Variants in CLCF1 observed in about 807,000 individuals in gnomAD.
CLCF1 encodes the protein cardiotrophin like cytokine factor 1.
Under a neutral mutation model 21.2 loss-of-function variants are expected in CLCF1, and 10 were observed. The observed-to-expected ratio is 0.47, with a 90% CI of 0.29 to 0.80. The LOEUF (loss-of-function observed/expected upper bound fraction) is 0.80. CLCF1 is among the 30% of genes least tolerant of loss of function. The probability of loss-of-function intolerance (pLI) is 0.09; values close to 1 mark genes in which losing one functional copy is unlikely to be tolerated. For missense variants in CLCF1, 240 were observed against 293.4 expected (o/e 0.82, Z 1.33); for synonymous variants, 115 against 120.5 (o/e 0.95, Z 0.30).
chr11:67,365,556 C>T lies in CLCF1; in HGVS notation c.258G>A (p.Arg86=), dbSNP rs1394623874. The change falls in exon 3 of 3, where the codon AGG becomes AGA. Residue 86 remains arginine, a synonymous_variant. Coordinates refer to ENST00000312438, the MANE Select transcript of CLCF1 (RefSeq NM_013246.3). The surrounding 1 kb of genome is among the most constrained non-coding windows in gnomAD (Gnocchi z 5.0). ...PPRLGAETLP[R]ATVDLEVWRS... ...GCCACACCTCCAAGTCAACAGTGGC[C>T]CTGGGCAGAGTCTCTGCCCCCAGGC... 2 of 1,613,820 alleles carry T rather than the reference C, an allele frequency of 1.2e-6. No homozygotes were observed. Among genetic ancestry groups the T allele is most frequent in the Non-Finnish European group, 1.7e-6 (2 of 1,179,846 alleles).
Position 67,365,590 on chromosome 11 carries a change from T to C in CLCF1, c.224A>G (p.Asn75Ser). Residue 75 changes from asparagine to serine, a missense_variant, in exon 3 of 3, where the codon AAC becomes AGC. Physicochemically the swap from Asn to Ser is conservative, Grantham distance 46. Coordinates refer to ENST00000312438, the MANE Select transcript of CLCF1 (RefSeq NM_013246.3). This position sits in a 1 kb window ranked among gnomAD's most constrained non-coding sequence, Gnocchi z 5.0. ...LGPPFNEPDF[N>S]PPRLGAETLP... ...AGTCTCTGCCCCCAGGCGGGGAGGG[T>C]TGAAGTCTGGCTCGTTGAAAGGGGG... 6 of 1,613,068 alleles carry C rather than the reference T, an allele frequency of 3.7e-6. No individual in the cohort carries two copies. Among genetic ancestry groups the C allele is most frequent in the Non-Finnish European group, 5.1e-6 (6 of 1,179,254 alleles).
intron 1 of CLCF1, chr11:67,368,771 T>G (rs1018146331): frequency 1.2e-4 from 115 of 984,898 alleles, no homozygotes; most frequent in Non-Finnish European, 1.3e-4. Flanking sequence ...AGAGGGTGAG[T>G]TGGAGGGCTG....
intron 1 of CLCF1, among the ~76,000 whole-genome samples, chr11:67,373,051 C>G (rs1862273592): frequency 1.3e-5 from 2 of 150,900 alleles, no homozygotes; most frequent in East Asian, 4.0e-4. Flanking sequence ...CCCCTCCCGG[C>G]GGGCCGGGGA....
Position 67,372,714 on chromosome 11 carries a change from C to T in CLCF1, c.16+810G>A, listed in dbSNP as rs1292288004. ...TCCCGCGCGTCAACTCCCCTCCTGC[C>T]CGGGCTGAGCGGCTGCTCCCGCCGC... On this transcript the variant is annotated intron_variant, in intron 1 of 2. Transcript: ENST00000312438. This position sits in a 1 kb window ranked among gnomAD's most constrained non-coding sequence, Gnocchi z 5.9. Among the ~76,000 whole-genome samples, 2 of 150,106 alleles carry T rather than the reference C, an allele frequency of 1.3e-5. No homozygotes were observed. The highest frequency in any genetic ancestry group is 2.1e-4 in the South Asian group (1 of 4,804).
chr11:67,370,388 C>T (rs1173119313), intron 1 of CLCF1: 3 of 978,166 alleles, frequency 3.1e-6, no homozygotes, highest in Non-Finnish European at 1.2e-6. Context: ...CTCTCCCCCT[C>T]CCCACCAGTC....
At chr11:67,370,454 T>G (rs1308278232) in intron 1 of CLCF1, 3 of 984,012 alleles carry the variant, frequency 3.0e-6, no homozygotes, top group South Asian at 4.7e-5. Flanking sequence ...GCCCACTGAT[T>G]GTTTACATCC....
intron 1 of CLCF1, chr11:67,370,285 G>A: frequency 5.8e-5 from 57 of 985,270 alleles, no homozygotes; most frequent in Non-Finnish European, 6.7e-5. Context: ...TGAGGAGAGT[G>A]CGTGGTGGGC....
rs1265305889 is a variant in CLCF1 at position 67,364,197 on chromosome 11, CAAG to C, written c.*936_*938del. The stretch of plus-strand genomic sequence containing the variant: ...GGGGCAAGCATTTTATTTGTTAATA[CAAG>C]AATAGAAATTCTGCAATAAATATCA... On this transcript the variant is annotated 3_prime_UTR_variant, in exon 3 of 3. Transcript: ENST00000312438. 1 of 152,508 alleles carries C rather than the reference CAAG, an allele frequency of 6.6e-6. No homozygotes were observed. The highest frequency in any genetic ancestry group is 1.5e-5 in the Non-Finnish European group (1 of 68,030). 9.4% of individuals were successfully genotyped at this position (152,508 alleles called of 1,614,324 possible).
chr11:67,371,917 A>G (rs1287840701), intron 1 of CLCF1, among the ~76,000 whole-genome samples: 1 of 152,000 alleles, frequency 6.6e-6, no homozygotes, highest in African/African-American at 2.4e-5. Flanking sequence ...ACAGGGAGCC[A>G]TTGCACCCAT....
rs766150197 is a variant in CLCF1 at position 67,367,561 on chromosome 11, G to A, written c.82C>T (p.Leu28Phe). ...GGCCCTGGGTCCCCTGTGCGATTGAGAGCTGGCACTGCAGGGAGGTGCCAG... is the reference window on the plus strand; with the variant it reads ...GGCCCTGGGTCCCCTGTGCGATTGAAAGCTGGCACTGCAGGGAGGTGCCAG... ...VLWHLPAVPA[L>F]NRTGDPGPGP... The change falls in exon 2 of 3, where the codon CTC becomes TTC. Residue 28 changes from leucine (L) to phenylalanine (F), a missense_variant. Transcript: ENST00000312438. 114 of 1,613,784 alleles carry A rather than the reference G, an allele frequency of 7.1e-5. No homozygotes were observed. The South Asian group carries it at 1.1e-3, about 16-fold the overall frequency.
At chr11:67,373,981 G>T (rs530098133), upstream of CLCF1, 25 of 847,600 alleles carry the variant, frequency 2.9e-5, no homozygotes, top group African/African-American at 1.3e-3. Context: ...CTCCCCAGGC[G>T]TTGGCCTGGG....
chr11:67,373,990 G>GA, upstream of CLCF1: 1 of 960,270 alleles, frequency 1.0e-6, no homozygotes, highest in Non-Finnish European at 1.2e-6. Context: ...CGTTGGCCTG[G>GA]GACACCGCCC....
intron 1 of CLCF1, 133 bp from the exon 2 acceptor site, chr11:67,367,759 A>G: frequency 6.6e-7 from 1 of 1,512,404 alleles, no homozygotes; most frequent in Middle Eastern, 2.4e-4. Flanking sequence ...TGGGAGGCAG[A>G]GGGGATGGAG....
At chr11:67,368,657 C>A (rs1480164029) in intron 1 of CLCF1, 1 of 985,242 alleles carries the variant, frequency 1.0e-6, no homozygotes, top group African/African-American at 1.7e-5. Flanking sequence ...GGTTTAAGGA[C>A]TGGGTTACTT....
At chr11:67,369,322 G>A in intron 1 of CLCF1, 1 of 984,020 alleles carries the variant, frequency 1.0e-6, no homozygotes, top group South Asian at 4.7e-5. Flanking sequence ...TTTGAGGCAA[G>A]TGTGAGTGTG....
intron 1 of CLCF1, chr11:67,370,505 G>A: frequency 1.0e-6 from 1 of 980,216 alleles, no homozygotes; most frequent in Non-Finnish European, 1.2e-6. Flanking sequence ...GAGCACGTGA[G>A]GAGCTAACGA....
Position 67,372,725 on chromosome 11 carries a change from G to T in CLCF1, c.16+799C>A, listed in dbSNP as rs1001882444. ...AACTCCCCTCCTGCCCGGGCTGAGC[G>T]GCTGCTCCCGCCGCTCCCTGGCCAG... On this transcript the variant is annotated intron_variant, in intron 1 of 2. Coordinates refer to ENST00000312438, the MANE Select transcript of CLCF1 (RefSeq NM_013246.3). This position sits in a 1 kb window ranked among gnomAD's most constrained non-coding sequence, Gnocchi z 5.9. 8.0e-5 allele frequency among the ~76,000 whole-genome samples: 12 copies of T among 150,308 alleles called. No individual in the cohort carries two copies. The highest frequency in any genetic ancestry group is 7.2e-4 in the Admixed American group (11 of 15,186).
At position 67,372,566 on chromosome 11, in the gene CLCF1, G is replaced by T. The variant is rs951582521; in HGVS notation, c.16+958C>A. Among the ~76,000 whole-genome samples, 5 of 150,254 alleles carry T rather than the reference G, an allele frequency of 3.3e-5. No individual in the cohort carries two copies. The highest frequency in any genetic ancestry group is 1.2e-4 in the African/African-American group (5 of 40,890). ...TGCGCCTTCCCCCTGTGTGGCCTCG[G>T]CGCCCCCGGCCCCGCCCCCTCCCGC... On this transcript the variant is annotated intron_variant, in intron 1 of 2. Transcript: ENST00000312438. This position sits in a 1 kb window ranked among gnomAD's most constrained non-coding sequence, Gnocchi z 5.9.
chr11:67,366,084 AAGG>A (rs1342078999), intron 2 of CLCF1, among the ~76,000 whole-genome samples: 1 of 152,206 alleles, frequency 6.6e-6, no homozygotes, highest in Non-Finnish European at 1.5e-5. Context: ...AACAGACAGC[AAGG>A]AGAATGAGCC....
Sources: allele counts gnomAD v4.1 joint callset (sites outside exome capture counted in the v4.1 genomes callset), GRCh38; gene constraint gnomAD v4.1.1; non-coding constraint Gnocchi (gnomAD v3.1); transcripts MANE v1.5; gene names NCBI Gene and HGNC (gene_info 2026-07-23, HGNC 2026-07-21).